The following HPSE2 variants were observed in gnomAD, a reference collection of about 807,000 sequenced individuals.
The protein encoded by HPSE2 is heparanase 2 (inactive).
Under a neutral mutation model 60.5 loss-of-function variants are expected in HPSE2, and 38 were observed. The ratio of observed to expected loss-of-function variants is 0.63; its 90% CI spans 0.48 to 0.82. HPSE2 has a LOEUF of 0.82. Among genes scored for constraint, HPSE2 ranks in the 40% least tolerant of loss-of-function variants. The pLI is 0.00. For synonymous variants in HPSE2, 295 were observed against 293.2 expected (o/e 1.01, Z -0.06); for missense variants, 713 against 740.4 (o/e 0.96, Z 0.43).
chr10:98,792,041 C>G (rs551266019), intron 3 of HPSE2, among the ~76,000 whole-genome samples: 6 of 152,120 alleles, frequency 3.9e-5, no homozygotes, highest in South Asian at 4.1e-4. Context: ...GGAAAATATG[C>G]GCATTATTAT....
rs540683239 is a variant in HPSE2, at chr10:98,597,697, C to T, written c.1320+17207G>A. 5.4e-5 allele frequency among the ~76,000 whole-genome samples: 8 copies of T among 147,146 alleles called. No homozygotes were observed. The East Asian group carries it at 6.2e-4, about 11-fold the overall frequency. ...AGAAAAAAAAAAAAAATTGCTCATC[C>T]GCATGTGTTGACTTACACCTGTAAT... On this transcript the variant is annotated intron_variant, in intron 9 of 11. Coordinates refer to ENST00000370552, the MANE Select transcript of HPSE2 (RefSeq NM_021828.5).
intron 3 of HPSE2, among the ~76,000 whole-genome samples, chr10:98,879,852 CGTGTGTGTGTGTGTGT>C (rs3043546): frequency 4.8e-5 from 7 of 145,674 alleles, no homozygotes; most frequent in Non-Finnish European, 9.1e-5. Flanking sequence ...TGTGCATGTG[CGTGTGTGTGTGTGTGT>C]GTGTGTGTGT....
chr10:98,545,014 T>C (rs1186729562), intron 9 of HPSE2, among the ~76,000 whole-genome samples: 8 of 152,060 alleles, frequency 5.3e-5, no homozygotes, highest in South Asian at 4.1e-4. Flanking sequence ...CATCAGAGAA[T>C]ACTATAAACA....
intron 2 of HPSE2, among the ~76,000 whole-genome samples, chr10:99,214,063 C>T (rs1208846898): frequency 6.6e-6 from 1 of 152,062 alleles, no homozygotes; most frequent in Non-Finnish European, 1.5e-5. Context: ...AGAGACATTT[C>T]TCAAAAGAAG....
rs146187653 is a variant in HPSE2, at chr10:99,177,220, G to GA, written c.449-32822dup. On this transcript the variant is annotated intron_variant, in intron 2 of 11. Transcript: ENST00000370552. ...ATGAAGTAACTACATCAACTAATGG[G>GA]AAAAAAAAAACAGCTAACATCATAA... Among the ~76,000 whole-genome samples the GA allele has an allele frequency of 3.6e-4, 53 of 146,302 alleles. No homozygotes were observed. The South Asian group carries it at 4.4e-3, about 12-fold the overall frequency.
At chr10:99,052,848 TC>T (rs1247243602) in intron 3 of HPSE2, among the ~76,000 whole-genome samples, 1 of 151,720 alleles carries the variant, frequency 6.6e-6, no homozygotes, top group African/African-American at 2.4e-5. Flanking sequence ...AATAAAGACA[TC>T]TCCATATGAA....
chr10:98,760,458 A>G (rs1227916533), intron 3 of HPSE2, among the ~76,000 whole-genome samples: 1 of 152,030 alleles, frequency 6.6e-6, no homozygotes, highest in Non-Finnish European at 1.5e-5. Flanking sequence ...GACCTTTATT[A>G]TGTTGAGATA....
chr10:99,161,066 T>G (rs1846821039), intron 2 of HPSE2, among the ~76,000 whole-genome samples: 1 of 150,482 alleles, frequency 6.6e-6, no homozygotes, highest in South Asian at 2.1e-4. Context: ...ACAAAAAATT[T>G]AAAAATTAGC....
chr10:98,575,921 C>T (rs1944628172), intron 9 of HPSE2, among the ~76,000 whole-genome samples: 1 of 151,970 alleles, frequency 6.6e-6, no homozygotes, highest in Admixed American at 6.6e-5. Flanking sequence ...AAATAATTAC[C>T]TTGTAGAATT....
At chr10:99,218,464 T>C (rs1017478149) in intron 2 of HPSE2, among the ~76,000 whole-genome samples, 2 of 152,044 alleles carry the variant, frequency 1.3e-5, no homozygotes, top group Non-Finnish European at 2.9e-5. Context: ...CCCCTCCCCC[T>C]GAGTTTTCAA....
Position 98,559,366 on chromosome 10 carries a change from G to A in HPSE2, c.1320+55538C>T, listed in dbSNP as rs114970716. Among the ~76,000 whole-genome samples, 314 of 152,154 alleles carry A rather than the reference G, an allele frequency of 2.1e-3. 1 individual carries two copies. Among genetic ancestry groups the A allele is most frequent in the Middle Eastern group, 6.8e-3 (2 of 294 alleles). On this transcript the variant is annotated intron_variant, in intron 9 of 11. Coordinates refer to ENST00000370552, the MANE Select transcript of HPSE2 (RefSeq NM_021828.5). Reference sequence around the variant, plus strand: ...CTTTAACTCAGTTCTGAGTCCCCAGGATAGAGCTCACTTTTTGCCCTGTGT... The same window carrying A: ...CTTTAACTCAGTTCTGAGTCCCCAGAATAGAGCTCACTTTTTGCCCTGTGT...
intron 9 of HPSE2, among the ~76,000 whole-genome samples, chr10:98,595,500 GAT>G: frequency 6.6e-6 from 1 of 152,186 alleles, no homozygotes; most frequent in South Asian, 2.1e-4. Context: ...TTCTTTTTCA[GAT>G]AGTTTCTTGT....
chr10:98,860,745 G>A (rs756316156), intron 3 of HPSE2, among the ~76,000 whole-genome samples: 1 of 152,058 alleles, frequency 6.6e-6, no homozygotes, highest in Non-Finnish European at 1.5e-5. Context: ...CAACTTTTAA[G>A]GCCTAATTAA....
At position 99,235,694 on chromosome 10, in the gene HPSE2, G is replaced by C. The variant is rs745556418; in HGVS notation, c.109C>G (p.Leu37Val). ...LYLALLLHLS[L>V]SSQAGDRRPL... The stretch of plus-strand genomic sequence containing the variant: ...CTCCTGTCTCCAGCCTGGGAGGAAA[G>C]GGAGAGATGGAGCAACAGAGCCAAG... Residue 37 changes from leucine (L) to valine (V), a missense_variant, in exon 1 of 12, where the codon CTT (leucine) becomes GTT (valine). By Grantham distance (32) the Leu-to-Val change is conservative. Coordinates refer to ENST00000370552, the MANE Select transcript of HPSE2 (RefSeq NM_021828.5). 6.2e-7 allele frequency: 1 copy of C among 1,614,098 alleles called. No homozygotes were observed. The highest frequency in any genetic ancestry group is 8.5e-7 in the Non-Finnish European group (1 of 1,180,028).
At chr10:98,947,302 T>C (rs1275823280) in intron 3 of HPSE2, among the ~76,000 whole-genome samples, 1 of 152,140 alleles carries the variant, frequency 6.6e-6, no homozygotes, top group Non-Finnish European at 1.5e-5. Flanking sequence ...AGGACTGCTA[T>C]AAGAAAGGCA....
intron 3 of HPSE2, among the ~76,000 whole-genome samples, chr10:99,052,881 T>C (rs1958022153): frequency 6.6e-6 from 1 of 152,068 alleles, no homozygotes; most frequent in Non-Finnish European, 1.5e-5. Flanking sequence ...AGGATTTATC[T>C]TGAAAAAACA....
At chr10:98,476,143 A>G (rs1196687549) in intron 11 of HPSE2, among the ~76,000 whole-genome samples, 1 of 151,658 alleles carries the variant, frequency 6.6e-6, no homozygotes. Flanking sequence ...CTATGCAGCC[A>G]TAAAAAATGA....
chr10:98,535,421 T>C (rs1322412106), intron 9 of HPSE2, among the ~76,000 whole-genome samples: 1 of 152,044 alleles, frequency 6.6e-6, no homozygotes, highest in Non-Finnish European at 1.5e-5. Flanking sequence ...TGTGGTGGTG[T>C]AATATGGCTT....
At chr10:98,795,483 G>C (rs1950759858) in intron 3 of HPSE2, among the ~76,000 whole-genome samples, 1 of 152,244 alleles carries the variant, frequency 6.6e-6, no homozygotes, top group Non-Finnish European at 1.5e-5. Flanking sequence ...ATTTGGACCA[G>C]ACTAGCCAGA....
Sources: gnomAD v4.1 joint callset for allele counts (sites outside exome capture counted in the v4.1 genomes callset) on GRCh38, gnomAD v4.1.1 for gene constraint, MANE v1.5 for transcripts, NCBI Gene and HGNC (gene_info 2026-07-23, HGNC 2026-07-21) for gene names.